The following PREX1 variants were observed in gnomAD, a reference collection of about 807,000 sequenced individuals.
PREX1 encodes the protein phosphatidylinositol-3,4,5-trisphosphate dependent Rac exchange factor 1.
PREX1 carries 41 observed loss-of-function variants against 198.3 expected under a neutral mutation model. The ratio of observed to expected loss-of-function variants is 0.21; its 90% confidence interval spans 0.16 to 0.27. The LOEUF (loss-of-function observed/expected upper bound fraction) is 0.27. PREX1 is among the 10% of genes least tolerant of loss of function. The pLI, the probability that PREX1 is intolerant of heterozygous loss-of-function variation, is 1.00. For synonymous variants in PREX1, 843 were observed against 887.2 expected, an observed-to-expected ratio of 0.95 and a Z score of 0.89; for missense variants, 1,620 against 2,200.7, an observed-to-expected ratio of 0.74 and a Z score of 5.28.
rs2089497595 is a variant in PREX1 at position 48,651,501 on chromosome 20, G to A, written c.2550C>T (p.His850=). ...ACTCATACACCACGCCGTGTTCCAG[G>A]TGCACGTTGTCCACAGTCAGGGTGA... The part of the protein sequence containing the change: ...PMVTLTVDNV[H]LEHGVVYEYV... The change falls in exon 22 of 40, where the codon CAC becomes CAT. Residue 850 remains histidine, a synonymous_variant. Transcript: ENST00000371941. The A allele has an allele frequency of 6.2e-7, 1 of 1,614,230 alleles. No homozygotes were observed. The highest frequency in any genetic ancestry group is 8.5e-7 in the Non-Finnish European group (1 of 1,180,046).
intron 37 of PREX1, 106 bp downstream of exon 37, chr20:48,629,343 C>T (rs1342630415): frequency 1.4e-6 from 2 of 1,420,932 alleles, no homozygotes; most frequent in African/African-American, 1.4e-5. Flanking sequence ...AATGGCAGAA[C>T]CAGGATTGGA....
chr20:48,754,238 G>A lies in PREX1; in HGVS notation c.220-6358C>T, dbSNP rs936615732. 5.3e-5 allele frequency among the ~76,000 whole-genome samples: 8 copies of A among 152,168 alleles called. No individual in the cohort carries two copies. In the South Asian group the frequency reaches 6.2e-4, roughly 12 times the overall value. On this transcript the variant is annotated intron_variant, in intron 1 of 39. Coordinates refer to ENST00000371941, the MANE Select transcript of PREX1 (RefSeq NM_020820.4). ...TCTAGGTGTTTTAATCCTCAAACTCGAGGAGGCAGGCATTGTTATTACTAT... is the reference window on the plus strand; with the variant it reads ...TCTAGGTGTTTTAATCCTCAAACTCAAGGAGGCAGGCATTGTTATTACTAT...
chr20:48,636,749 C>A (rs940795853), intron 31 of PREX1, 66 bp from the exon 32 acceptor site: 16 of 1,432,980 alleles, frequency 1.1e-5, no homozygotes, highest in Admixed American at 2.1e-5. Flanking sequence ...GCCCACCCCC[C>A]AAAACCCTGG....
rs932477143 is a variant in PREX1, at chr20:48,681,363, A to G, written c.1335-28T>C. 1.9e-6 allele frequency: 3 copies of G among 1,607,260 alleles called. No individual in the cohort carries two copies. In the African/African-American group the frequency reaches 4.0e-5, roughly 21 times the overall value. Reference sequence around the variant, plus strand: ...GCCAGGAACACAATATGTGGTTGAGAGGATTTCCCCAATTCTGGGACCACA... The same window carrying G: ...GCCAGGAACACAATATGTGGTTGAGGGGATTTCCCCAATTCTGGGACCACA... On this transcript the variant is annotated intron_variant, in intron 10 of 39. Coordinates refer to ENST00000371941, the MANE Select transcript of PREX1 (RefSeq NM_020820.4).
intron 1 of PREX1, among the ~76,000 whole-genome samples, chr20:48,773,399 T>C (rs1201924806): frequency 6.6e-6 from 1 of 151,018 alleles, no homozygotes; most frequent in Non-Finnish European, 1.5e-5. Context: ...TGCCCCACAC[T>C]AGCCCCTTTC....
At chr20:48,702,989 G>A (rs2089883214) in intron 6 of PREX1, among the ~76,000 whole-genome samples, 1 of 152,208 alleles carries the variant, frequency 6.6e-6, no homozygotes, top group Non-Finnish European at 1.5e-5. Flanking sequence ...ATGAACTTGG[G>A]GAGGAGAGAG....
intron 16 of PREX1, 125 bp downstream of exon 16, chr20:48,659,794 G>T: frequency 7.4e-7 from 1 of 1,357,666 alleles, no homozygotes; most frequent in Non-Finnish European, 1.0e-6. Flanking sequence ...CTACCACCTA[G>T]AATCCACCTA....
At chr20:48,671,474 C>A (rs911450397) in intron 14 of PREX1, among the ~76,000 whole-genome samples, 1 of 152,148 alleles carries the variant, frequency 6.6e-6, no homozygotes, top group African/African-American at 2.4e-5. Context: ...AGAAGAATAT[C>A]GTATTAATAA....
intron 9 of PREX1, among the ~76,000 whole-genome samples, chr20:48,690,281 G>A (rs1319554373): frequency 6.6e-6 from 1 of 152,170 alleles, no homozygotes; most frequent in Non-Finnish European, 1.5e-5. Flanking sequence ...GTCAGATTTT[G>A]AAATGTGCTC....
the PREX1 span, among the ~76,000 whole-genome samples, chr20:48,847,103 C>T: frequency 1.3e-5 from 2 of 152,098 alleles, no homozygotes; most frequent in Admixed American, 6.5e-5. Flanking sequence ...CCGGGGCCTG[C>T]TTTGGGGCTT....
intron 1 of PREX1, among the ~76,000 whole-genome samples, chr20:48,749,559 G>A (rs1046429815): frequency 6.6e-6 from 1 of 152,178 alleles, no homozygotes; most frequent in African/African-American, 2.4e-5. Flanking sequence ...CTCTGCACAA[G>A]GCTGTCAGAT....
intron 10 of PREX1, among the ~76,000 whole-genome samples, chr20:48,685,808 C>T (rs546600881): frequency 6.6e-6 from 1 of 152,102 alleles, no homozygotes; most frequent in Non-Finnish European, 1.5e-5. Flanking sequence ...GCAGGAAGAT[C>T]GCTTGAGCCC....
At chr20:48,705,833 G>A (rs998860673) in intron 6 of PREX1, among the ~76,000 whole-genome samples, 1 of 152,132 alleles carries the variant, frequency 6.6e-6, no homozygotes, top group African/African-American at 2.4e-5. Flanking sequence ...TAACTTCAGA[G>A]ATATTATCAC....
chr20:48,855,403 C>T, the PREX1 span, among the ~76,000 whole-genome samples: 1 of 152,170 alleles, frequency 6.6e-6, no homozygotes, highest in East Asian at 1.9e-4. Context: ...TCCATCCTGG[C>T]GGCAGGGGGA....
Position 48,626,728 on chromosome 20 carries a change from TG to T in PREX1, c.4938-802del, listed in dbSNP as rs369100294. On this transcript the variant is annotated intron_variant, in intron 39 of 39. Coordinates refer to ENST00000371941, the MANE Select transcript of PREX1 (RefSeq NM_020820.4). The stretch of plus-strand genomic sequence containing the variant: ...CTGGCAGCAGGTGTTGCCGGCGCTC[TG>T]TGGTTACGTAAGACGTTGCCGCTGG... Among the ~76,000 whole-genome samples the T allele has an allele frequency of 5.4e-3, 818 of 152,362 alleles. 5 individuals carry two copies. The highest frequency in any genetic ancestry group is 8.1e-3 in the Non-Finnish European group (554 of 68,036).
chr20:48,775,275 T>C (rs116961592), intron 1 of PREX1, among the ~76,000 whole-genome samples: 2 of 151,916 alleles, frequency 1.3e-5, no homozygotes. Flanking sequence ...TTCACCAGAA[T>C]AGACTGCGAA....
chr20:48,726,689 A>G (rs774051319), intron 4 of PREX1, among the ~76,000 whole-genome samples: 1 of 152,210 alleles, frequency 6.6e-6, no homozygotes, highest in Non-Finnish European at 1.5e-5. Flanking sequence ...AAAAGGCCAT[A>G]TAGTGGCAAA....
At chr20:48,715,254 G>A (rs2089956729) in intron 5 of PREX1, among the ~76,000 whole-genome samples, 1 of 152,160 alleles carries the variant, frequency 6.6e-6, no homozygotes, top group Non-Finnish European at 1.5e-5. Context: ...AAGACCTCAA[G>A]GAGTCCAATG....
chr20:48,859,706 T>C, the PREX1 span, among the ~76,000 whole-genome samples: 2 of 152,146 alleles, frequency 1.3e-5, no homozygotes, highest in Non-Finnish European at 2.9e-5. Flanking sequence ...CTTCTGGGTA[T>C]ATAACCAAAA....
Sources: allele counts gnomAD v4.1 joint callset (sites outside exome capture counted in the v4.1 genomes callset), GRCh38; gene constraint gnomAD v4.1.1; transcripts MANE v1.5; gene names NCBI Gene and HGNC (gene_info 2026-07-23, HGNC 2026-07-21).